Variants in SPAG16 observed in about 807,000 individuals in gnomAD.
SPAG16 encodes sperm associated antigen 16, also known as sperm-associated antigen 16 protein.
A neutral mutation model predicts 80.4 loss-of-function variants in SPAG16; 86 were observed. That is an observed-to-expected ratio of 1.07 (90% CI 0.90 to 1.28). The LOEUF (loss-of-function observed/expected upper bound fraction) is 1.28, where lower values mean the gene tolerates loss of function less well. Among genes scored for constraint, SPAG16 ranks in the 50% most tolerant of loss-of-function variants. The pLI, the probability that SPAG16 is intolerant of heterozygous loss-of-function variation, is 0.00. For missense variants in SPAG16, 870 were observed against 765.3 expected (o/e 1.14, Z -1.61); for synonymous variants, 294 against 265.9 (o/e 1.11, Z -1.03).
intron 14 of SPAG16, among the ~76,000 whole-genome samples, chr2:214,130,683 T>TC (rs1303550590): frequency 1.1e-4 from 16 of 152,148 alleles, no homozygotes; most frequent in Admixed American, 3.3e-4. Context: ...ATGTGACAAG[T>TC]CACATCGGCA....
chr2:214,335,703 C>T (rs1697233131), intron 15 of SPAG16, among the ~76,000 whole-genome samples: 1 of 148,986 alleles, frequency 6.7e-6, no homozygotes, highest in South Asian at 2.1e-4. Flanking sequence ...TTTTTCTTTC[C>T]TGTGTTATGT....
chr2:213,798,426 G>GT (rs71301556), intron 10 of SPAG16, among the ~76,000 whole-genome samples: 38,126 of 150,338 alleles, frequency 0.25, 5,261 homozygotes, highest in Middle Eastern at 0.38. Context: ...GCTAATTTTT[G>GT]TTTTTTTTTA....
intron 10 of SPAG16, among the ~76,000 whole-genome samples, chr2:213,725,112 G>C (rs1355814601): frequency 1.3e-5 from 2 of 151,766 alleles, no homozygotes; most frequent in Non-Finnish European, 2.9e-5. Context: ...GCTCACTGCA[G>C]TCTCAAACTC....
At chr2:214,169,904 A>G (rs1018406507) in intron 15 of SPAG16, among the ~76,000 whole-genome samples, 14 of 152,154 alleles carry the variant, frequency 9.2e-5, no homozygotes, top group Admixed American at 2.0e-4. Flanking sequence ...TGAAAAATAT[A>G]TGAGTGAACT....
chr2:213,893,426 A>G (rs1046537576), intron 11 of SPAG16, among the ~76,000 whole-genome samples: 26 of 152,206 alleles, frequency 1.7e-4, no homozygotes, highest in Non-Finnish European at 1.5e-5. Context: ...GAATACTGTA[A>G]TGCCGTAATT....
chr2:214,331,316 G>A (rs966190679), intron 15 of SPAG16, among the ~76,000 whole-genome samples: 1 of 152,146 alleles, frequency 6.6e-6, no homozygotes, highest in Non-Finnish European at 1.5e-5. Flanking sequence ...GATCATCAAG[G>A]TCAGTTACTC....
chr2:213,898,572 C>G (rs1361654578), intron 11 of SPAG16, among the ~76,000 whole-genome samples: 2 of 152,120 alleles, frequency 1.3e-5, no homozygotes, highest in East Asian at 1.9e-4. Context: ...CCAGAAAGAC[C>G]AACAAAGTTT....
At chr2:213,686,619 T>C (rs2064685016) in intron 10 of SPAG16, among the ~76,000 whole-genome samples, 1 of 151,454 alleles carries the variant, frequency 6.6e-6, no homozygotes, top group Admixed American at 6.6e-5. Flanking sequence ...TTAATTGGAA[T>C]ATTTAGTTCA....
chr2:214,247,143 T>C (rs186913917), intron 15 of SPAG16, among the ~76,000 whole-genome samples: 1 of 152,144 alleles, frequency 6.6e-6, no homozygotes, highest in Non-Finnish European at 1.5e-5. Context: ...GTGGCTTTAA[T>C]CCTAGCCTTC....
intron 10 of SPAG16, among the ~76,000 whole-genome samples, chr2:213,771,638 AAAG>A (rs2069255708): frequency 6.6e-6 from 1 of 152,192 alleles, no homozygotes; most frequent in African/African-American, 2.4e-5. Context: ...TGTGTGGTGT[AAAG>A]AAGGGGTCCA....
intron 15 of SPAG16, among the ~76,000 whole-genome samples, chr2:214,399,330 A>G (rs1701580788): frequency 6.6e-6 from 1 of 151,970 alleles, no homozygotes; most frequent in Non-Finnish European, 1.5e-5. Flanking sequence ...TCTTTTTTTT[A>G]CTATAACTAT....
At chr2:214,353,650 T>A (rs1050813869) in intron 15 of SPAG16, among the ~76,000 whole-genome samples, 1 of 152,002 alleles carries the variant, frequency 6.6e-6, no homozygotes, top group Non-Finnish European at 1.5e-5. Flanking sequence ...CACCCAGGAG[T>A]GAAAGATGCC....
At chr2:213,995,291 C>T (rs780528840) in intron 12 of SPAG16, among the ~76,000 whole-genome samples, 2 of 152,064 alleles carry the variant, frequency 1.3e-5, no homozygotes, top group Non-Finnish European at 2.9e-5. Flanking sequence ...CCCAGGGGAG[C>T]CCCAAGGAAG....
intron 10 of SPAG16, among the ~76,000 whole-genome samples, chr2:213,739,024 T>C (rs1399885262): frequency 6.6e-6 from 1 of 152,212 alleles, no homozygotes; most frequent in African/African-American, 2.4e-5. Context: ...ACAACTGTGA[T>C]TTGGGGATTG....
intron 10 of SPAG16, among the ~76,000 whole-genome samples, chr2:213,691,038 G>A (rs191974267): frequency 1.3e-5 from 2 of 152,200 alleles, no homozygotes; most frequent in East Asian, 3.9e-4. Flanking sequence ...AGTGACGGAG[G>A]AGCCCTGAAG....
chr2:214,176,530 C>T (rs2057085993), intron 15 of SPAG16, among the ~76,000 whole-genome samples: 1 of 151,138 alleles, frequency 6.6e-6, no homozygotes, highest in Non-Finnish European at 1.5e-5. Context: ...TCTGTCTATG[C>T]ACAAAGAAAA....
intron 13 of SPAG16, among the ~76,000 whole-genome samples, chr2:214,107,164 C>T (rs569370534): frequency 6.6e-6 from 1 of 152,094 alleles, no homozygotes; most frequent in Non-Finnish European, 1.5e-5. Context: ...CCCTGCCTGA[C>T]AATTTCTTCT....
chr2:214,197,848 C>T (rs555175528), intron 15 of SPAG16, among the ~76,000 whole-genome samples: 3 of 151,368 alleles, frequency 2.0e-5, no homozygotes, highest in East Asian at 3.9e-4. Flanking sequence ...ATTAAACACC[C>T]AGATTTCTAA....
At chr2:214,138,896 A>G (rs2055201874) in intron 14 of SPAG16, among the ~76,000 whole-genome samples, 1 of 152,144 alleles carries the variant, frequency 6.6e-6, no homozygotes, top group African/African-American at 2.4e-5. Context: ...GACACCAGCT[A>G]CAGTGTAGGA....
Sources: gnomAD v4.1 joint callset for allele counts (sites outside exome capture counted in the v4.1 genomes callset) on GRCh38, gnomAD v4.1.1 for gene constraint, MANE v1.5 for transcripts, NCBI Gene and HGNC (gene_info 2026-07-23, HGNC 2026-07-21) for gene names.